GLDC: variants seen among roughly 807,000 people sequenced by gnomAD.
GLDC encodes glycine decarboxylase.
GLDC carries 104 observed loss-of-function variants against 121.3 expected under a neutral mutation model. The ratio of observed to expected loss-of-function variants is 0.86; its 90% confidence interval spans 0.73 to 1.01. The LOEUF is 1.01. Among genes scored for constraint, GLDC ranks in the 50% least tolerant of loss-of-function variants. The pLI is 0.00. For synonymous variants in GLDC, 546 were observed against 480.6 expected (o/e 1.14, Z -1.78); for missense variants, 1,429 against 1,306.6 (o/e 1.09, Z -1.44).
Position 6,561,600 on chromosome 9 carries a change from G to A in GLDC, c.1927-2916C>T, listed in dbSNP as rs150681122. The stretch of plus-strand genomic sequence containing the variant: ...GGAGGCGGAGGTTGCCATAAGCCAA[G>A]ATCATGCCATTGCACTCCAGCCTGG... On this transcript the variant is annotated intron_variant, in intron 16 of 24. Coordinates refer to ENST00000321612, the MANE Select transcript of GLDC (RefSeq NM_000170.3). Among the ~76,000 whole-genome samples the A allele has an allele frequency of 6.1e-3, 923 of 152,312 alleles. 12 individuals carry two copies. The highest frequency in any genetic ancestry group is 0.02 in the African/African-American group (843 of 41,548).
At chr9:6,538,425 T>C (rs1004020745) in intron 22 of GLDC, among the ~76,000 whole-genome samples, 3 of 152,224 alleles carry the variant, frequency 2.0e-5, no homozygotes, top group Admixed American at 2.0e-4. Flanking sequence ...GCGTGTTAAA[T>C]ATACAGATTA....
chr9:6,595,144 A>G, intron 8 of GLDC, 25 bp from the exon 9 acceptor site: 3 of 1,448,208 alleles, frequency 2.1e-6, no homozygotes, highest in Non-Finnish European at 1.9e-6. Context: ...CATTTAAAGA[A>G]TCACGTGATG....
intron 2 of GLDC, among the ~76,000 whole-genome samples, chr9:6,640,835 A>T (rs1819616448): frequency 6.6e-6 from 1 of 152,244 alleles, no homozygotes; most frequent in Non-Finnish European, 1.5e-5. Flanking sequence ...ATTAATTATA[A>T]AATGAATACC....
At chr9:6,643,048 C>T (rs1338583204) in intron 2 of GLDC, among the ~76,000 whole-genome samples, 1 of 152,068 alleles carries the variant, frequency 6.6e-6, no homozygotes, top group Non-Finnish European at 1.5e-5. Flanking sequence ...CAGGCGCACA[C>T]CACCACACCC....
At chr9:6,580,977 C>T (rs1325942531) in intron 15 of GLDC, among the ~76,000 whole-genome samples, 1 of 152,244 alleles carries the variant, frequency 6.6e-6, no homozygotes, top group African/African-American at 2.4e-5. Flanking sequence ...CTTCCAGCTT[C>T]TGTGGACAGC....
intron 18 of GLDC, among the ~76,000 whole-genome samples, chr9:6,555,212 G>A (rs913415331): frequency 3.9e-5 from 6 of 152,150 alleles, no homozygotes; most frequent in African/African-American, 4.8e-5. Flanking sequence ...GAACGGCCCC[G>A]TTGGGCACAG....
chr9:6,638,649 C>G (rs1819561779), intron 2 of GLDC, among the ~76,000 whole-genome samples: 1 of 104,960 alleles, frequency 9.5e-6, no homozygotes, highest in South Asian at 4.1e-4. Flanking sequence ...TTTTAACTGT[C>G]TGTCTGATCT....
In GLDC at chr9:6,556,253, G is replaced by T; in HGVS notation, c.2102C>A (p.Ser701Tyr). 3 of 1,610,888 alleles carry T rather than the reference G, an allele frequency of 1.9e-6. No homozygotes were observed. The highest frequency in any genetic ancestry group is 2.5e-6 in the Non-Finnish European group (3 of 1,177,014). Residue 701 changes from serine to tyrosine, a missense_variant, in exon 18 of 25, where the codon TCC becomes TAC. Coordinates refer to ENST00000321612, the MANE Select transcript of GLDC (RefSeq NM_000170.3). ...NLAAIMITYPSTNGVFEENIS... is the reference protein window; with the variant it reads ...NLAAIMITYPYTNGVFEENIS... ...GTTCTCTTCAAACACCCCATTGGTG[G>T]ATGGGTATGTAATCATGATAGCTGC...
At chr9:6,582,247 GGT>G in intron 15 of GLDC, among the ~76,000 whole-genome samples, 1 of 145,674 alleles carries the variant, frequency 6.9e-6, no homozygotes. Context: ...AGCCGGGCAT[GGT>G]GTCTCACGCC....
intron 3 of GLDC, among the ~76,000 whole-genome samples, chr9:6,619,843 A>G (rs1468220535): frequency 6.6e-6 from 1 of 152,218 alleles, no homozygotes; most frequent in Non-Finnish European, 1.5e-5. Context: ...AGGGTCTCCA[A>G]GGAGGAGTAA....
chr9:6,580,903 A>G (rs1373839173), intron 15 of GLDC, among the ~76,000 whole-genome samples: 1 of 152,184 alleles, frequency 6.6e-6, no homozygotes, highest in Non-Finnish European at 1.5e-5. Context: ...TGCCTACTAT[A>G]GGCAACCTGT....
intron 15 of GLDC, among the ~76,000 whole-genome samples, chr9:6,577,326 G>C (rs1157358998): frequency 1.3e-5 from 2 of 152,210 alleles, no homozygotes. Flanking sequence ...CTACCTCACT[G>C]TATTTATTAG....
intron 9 of GLDC, among the ~76,000 whole-genome samples, chr9:6,594,290 A>G (rs912317484): frequency 6.6e-6 from 1 of 152,022 alleles, no homozygotes; most frequent in African/African-American, 2.4e-5. Flanking sequence ...TCTTTTGCCT[A>G]TTTTTCTATT....
intron 3 of GLDC, among the ~76,000 whole-genome samples, chr9:6,616,867 G>A (rs773224319): frequency 3.3e-5 from 5 of 152,152 alleles, no homozygotes; most frequent in African/African-American, 9.7e-5. Flanking sequence ...AGGGGGTTAT[G>A]GGGGTTTGCA....
chr9:6,554,664 C>G lies in GLDC; in HGVS notation c.2315+5G>C. On this transcript the variant is annotated splice_donor_5th_base_variant and intron_variant, in intron 19 of 24. Transcript: ENST00000321612. ...CCATCCTGAAACCAGCAGCCCAGAA[C>G]TTACACTCCGATGGGCCCCATGCCA... 1 of 1,600,302 alleles carries G rather than the reference C, an allele frequency of 6.2e-7. No homozygotes were observed. Among genetic ancestry groups the G allele is most frequent in the Non-Finnish European group, 8.5e-7 (1 of 1,169,824 alleles).
At chr9:6,617,715 T>C (rs536694059) in intron 3 of GLDC, among the ~76,000 whole-genome samples, 8 of 152,240 alleles carry the variant, frequency 5.3e-5, no homozygotes, top group South Asian at 4.1e-4. Flanking sequence ...ATCTGGCTCC[T>C]ATAATGATAT....
chr9:6,610,501 C>T (rs575996106), intron 3 of GLDC, 145 bp from the exon 4 acceptor site: 3 of 758,122 alleles, frequency 4.0e-6, no homozygotes, highest in Non-Finnish European at 6.9e-6. Flanking sequence ...TTCTTTTTGG[C>T]CTTTGTAAAG....
At chr9:6,580,956 C>T (rs1437583877) in intron 15 of GLDC, among the ~76,000 whole-genome samples, 1 of 152,226 alleles carries the variant, frequency 6.6e-6, no homozygotes, top group African/African-American at 2.4e-5. Flanking sequence ...TTTGTTTCAT[C>T]CTGAAGCTTA....
intron 22 of GLDC, 96 bp from the exon 23 acceptor site, chr9:6,536,332 G>A: frequency 9.5e-7 from 1 of 1,057,242 alleles, no homozygotes; most frequent in Non-Finnish European, 1.4e-6. Flanking sequence ...TTTATCCTAA[G>A]AAAATCATCA....
Sources: gnomAD v4.1 joint callset for allele counts (sites outside exome capture counted in the v4.1 genomes callset) on GRCh38, gnomAD v4.1.1 for gene constraint, MANE v1.5 for transcripts, NCBI Gene and HGNC (gene_info 2026-07-23, HGNC 2026-07-21) for gene names.